NAV2: variants seen among roughly 807,000 people sequenced by gnomAD.
NAV2 encodes the protein neuron navigator 2.
In NAV2, 54 loss-of-function variants were observed where a neutral mutation model predicts 223.2. The observed-to-expected ratio is 0.24, with a 90% CI of 0.19 to 0.30. The LOEUF (loss-of-function observed/expected upper bound fraction) is 0.30, where lower values mean the gene tolerates loss of function less well. NAV2 is among the 10% of genes least tolerant of loss of function. The pLI, the probability that NAV2 is intolerant of heterozygous loss-of-function variation, is 1.00. For synonymous variants in NAV2, 1,279 were observed against 1,239.3 expected, an observed-to-expected ratio of 1.03 and a Z score of -0.67; for missense variants, 2,806 against 3,147.5, an observed-to-expected ratio of 0.89 and a Z score of 2.60.
chr11:19,924,817 G>A (rs914450986), intron 6 of NAV2, among the ~76,000 whole-genome samples: 2 of 152,130 alleles, frequency 1.3e-5, no homozygotes, highest in Non-Finnish European at 2.9e-5. Context: ...GGAGAGATCT[G>A]GTGTGGATAA....
intron 19 of NAV2, among the ~76,000 whole-genome samples, chr11:20,060,788 A>G (rs1022202457): frequency 6.6e-6 from 1 of 152,264 alleles, no homozygotes; most frequent in Non-Finnish European, 1.5e-5. Flanking sequence ...ACTCTGAGGC[A>G]GGAAAGTACT....
chr11:19,830,985 T>A (rs1344116707), intron 1 of NAV2, among the ~76,000 whole-genome samples: 1 of 151,796 alleles, frequency 6.6e-6, no homozygotes, highest in Non-Finnish European at 1.5e-5. Context: ...TGTTGTGAAA[T>A]AGAAGGTCAC....
chr11:19,999,873 G>T, intron 11 of NAV2, among the ~76,000 whole-genome samples: 1 of 152,180 alleles, frequency 6.6e-6, no homozygotes, highest in Non-Finnish European at 1.5e-5. Flanking sequence ...TTTTTATTTA[G>T]TCATGATCAG....
At chr11:19,386,403 A>G in intron 1 of NAV2, among the ~76,000 whole-genome samples, 1 of 152,192 alleles carries the variant, frequency 6.6e-6, no homozygotes, top group East Asian at 1.9e-4. Flanking sequence ...TGGGTATGAT[A>G]CTACCCATCT....
At chr11:19,373,919 C>T (rs1848554441) in intron 1 of NAV2, among the ~76,000 whole-genome samples, 2 of 152,142 alleles carry the variant, frequency 1.3e-5, no homozygotes, top group African/African-American at 4.8e-5. Context: ...CCCATATCAC[C>T]TGCTTTTTTC....
chr11:19,772,995 C>T (rs1211301453), intron 1 of NAV2, among the ~76,000 whole-genome samples: 4 of 152,180 alleles, frequency 2.6e-5, no homozygotes, highest in African/African-American at 9.7e-5. Flanking sequence ...TATAGATCAT[C>T]AGTTTCTTAG....
chr11:19,857,818 A>C (rs1203659355), intron 3 of NAV2, among the ~76,000 whole-genome samples: 1 of 152,208 alleles, frequency 6.6e-6, no homozygotes, highest in African/African-American at 2.4e-5. Flanking sequence ...TTCAGTTGCC[A>C]TGCATGCTAT....
At chr11:19,603,506 A>G (rs956062304) in intron 1 of NAV2, among the ~76,000 whole-genome samples, 1 of 152,028 alleles carries the variant, frequency 6.6e-6, no homozygotes, top group African/African-American at 2.4e-5. Flanking sequence ...ATGCGCCTGT[A>G]GTCCCAGCTA....
intron 11 of NAV2, chr11:20,023,083 C>T: frequency 6.4e-7 from 1 of 1,551,816 alleles, no homozygotes; most frequent in Non-Finnish European, 8.7e-7. Context: ...GTCCGCTGTT[C>T]TCCAAGGGCC....
chr11:19,961,765 T>C (rs575440162), intron 10 of NAV2, among the ~76,000 whole-genome samples: 7 of 152,160 alleles, frequency 4.6e-5, no homozygotes, highest in Non-Finnish European at 7.4e-5. Flanking sequence ...GCATGGTGGC[T>C]CCTTTAGCCC....
At chr11:19,677,658 A>G (rs146238781) in intron 1 of NAV2, among the ~76,000 whole-genome samples, 120 of 152,378 alleles carry the variant, frequency 7.9e-4, no homozygotes, top group Admixed American at 2.1e-3. Flanking sequence ...AGGGTTACAG[A>G]GAAGCAGAGA....
At chr11:19,575,631 A>G (rs576753947) in intron 1 of NAV2, among the ~76,000 whole-genome samples, 1 of 152,188 alleles carries the variant, frequency 6.6e-6, no homozygotes, top group African/African-American at 2.4e-5. Flanking sequence ...GGGGAAATTC[A>G]CCTTTTCTTC....
intron 19 of NAV2, among the ~76,000 whole-genome samples, chr11:20,059,638 G>A (rs2058583034): frequency 6.6e-6 from 1 of 152,082 alleles, no homozygotes. Flanking sequence ...TTACTCAAAG[G>A]CAGAGCGATC....
chr11:19,412,345 G>T (rs1253576722), intron 1 of NAV2, among the ~76,000 whole-genome samples: 1 of 152,214 alleles, frequency 6.6e-6, no homozygotes, highest in Non-Finnish European at 1.5e-5. Context: ...AGCTCAAAAA[G>T]CTGCTGTAGC....
At chr11:19,564,228 G>A (rs1478046364) in intron 1 of NAV2, among the ~76,000 whole-genome samples, 1 of 152,228 alleles carries the variant, frequency 6.6e-6, no homozygotes, top group Non-Finnish European at 1.5e-5. Context: ...TCAGGGCATA[G>A]CGCTGGTGAT....
chr11:19,801,098 G>C (rs2058224261), intron 1 of NAV2, among the ~76,000 whole-genome samples: 1 of 152,202 alleles, frequency 6.6e-6, no homozygotes, highest in Non-Finnish European at 1.5e-5. Flanking sequence ...TTCCTTGTCT[G>C]ATTACAATCT....
intron 1 of NAV2, among the ~76,000 whole-genome samples, chr11:19,489,165 A>AG (rs534472661): frequency 1.6e-3 from 244 of 152,260 alleles, no homozygotes; most frequent in African/African-American, 5.0e-3. Context: ...GTCTCAGCTG[A>AG]GGGGGGGTCT....
chr11:19,643,471 G>T (rs531396324), intron 1 of NAV2, among the ~76,000 whole-genome samples: 42 of 152,092 alleles, frequency 2.8e-4, no homozygotes, highest in African/African-American at 9.9e-4. Context: ...AGCTTCATCC[G>T]TGTCCCCACA....
chr11:19,698,009 C>T (rs2049398219), intron 1 of NAV2, among the ~76,000 whole-genome samples: 1 of 152,192 alleles, frequency 6.6e-6, no homozygotes, highest in Admixed American at 6.5e-5. Flanking sequence ...TCAAGCCCAC[C>T]AGAATCTTCA....
Sources: gnomAD v4.1 joint callset for allele counts (sites outside exome capture counted in the v4.1 genomes callset) on GRCh38, gnomAD v4.1.1 for gene constraint, MANE v1.5 for transcripts, NCBI Gene and HGNC (gene_info 2026-07-23, HGNC 2026-07-21) for gene names.